Variants in COL14A1 observed in about 807,000 individuals in gnomAD.
The protein encoded by COL14A1 is collagen alpha-1(XIV) chain.
Under a neutral mutation model 230.3 loss-of-function variants are expected in COL14A1, and 136 were observed. The observed-to-expected ratio is 0.59, with a 90% CI of 0.51 to 0.68. The LOEUF (loss-of-function observed/expected upper bound fraction) is 0.68. Among genes scored for constraint, COL14A1 ranks in the 30% least tolerant of loss-of-function variants. COL14A1 has a pLI of 0.00. For missense variants in COL14A1, 1,976 were observed against 2,215.8 expected, an observed-to-expected ratio of 0.89 and a Z score of 2.17; for synonymous variants, 792 against 784.1, an observed-to-expected ratio of 1.01 and a Z score of -0.17.
intron 14 of COL14A1, among the ~76,000 whole-genome samples, chr8:120,224,516 T>G (rs1818034232): frequency 6.6e-6 from 1 of 152,244 alleles, no homozygotes; most frequent in Admixed American, 6.5e-5. Context: ...TTCTCTTTTC[T>G]AATCCTTAAT....
chr8:120,143,382 G>T (rs1373566501), intron 1 of COL14A1, among the ~76,000 whole-genome samples: 2 of 152,178 alleles, frequency 1.3e-5, no homozygotes, highest in African/African-American at 4.8e-5. Flanking sequence ...ACTTTGGGAG[G>T]CCGAGGTGGG....
chr8:120,371,027 T>C, intron 47 of COL14A1, 125 bp from the exon 48 acceptor site: 1 of 1,043,666 alleles, frequency 9.6e-7, no homozygotes, highest in Non-Finnish European at 1.4e-6. Context: ...GCGTGGTGGA[T>C]TAAGACATCC....
At chr8:120,261,752 C>T (rs565576755) in intron 23 of COL14A1, among the ~76,000 whole-genome samples, 17 of 152,182 alleles carry the variant, frequency 1.1e-4, no homozygotes, top group Non-Finnish European at 2.5e-4. Flanking sequence ...CTGAACTCTA[C>T]AGCATATATG....
In COL14A1 at chr8:120,165,692, T is replaced by G. The variant is rs78299237; in HGVS notation, c.350-2469T>G. Among the ~76,000 whole-genome samples, 539 of 152,350 alleles carry G rather than the reference T, an allele frequency of 3.5e-3. 3 individuals are homozygous for G. The highest frequency in any genetic ancestry group is 0.011 in the East Asian group (57 of 5,188). ...CATAATGTCTGTTATTTTTTCTTGT[T>G]TATTTATAGACTGCTTTTATAGCTC... On this transcript the variant is annotated intron_variant, in intron 4 of 47. Coordinates refer to ENST00000297848, the MANE Select transcript of COL14A1 (RefSeq NM_021110.4).
At chr8:120,257,307 A>G (rs531006640) in intron 23 of COL14A1, among the ~76,000 whole-genome samples, 6 of 152,372 alleles carry the variant, frequency 3.9e-5, no homozygotes, top group African/African-American at 1.4e-4. Flanking sequence ...TGTACTTCTC[A>G]TCAACATTTG....
chr8:120,180,185 T>C (rs897830463), intron 5 of COL14A1, among the ~76,000 whole-genome samples: 1 of 152,224 alleles, frequency 6.6e-6, no homozygotes, highest in Admixed American at 6.5e-5. Flanking sequence ...ACATGATTTC[T>C]CTCCACTGGG....
chr8:120,222,982 A>G (rs892795979), intron 14 of COL14A1, among the ~76,000 whole-genome samples: 7 of 152,188 alleles, frequency 4.6e-5, no homozygotes, highest in African/African-American at 1.7e-4. Context: ...TGAGGAGGTG[A>G]TAGTTAAGCA....
chr8:120,302,830 G>A (rs1820756920), intron 36 of COL14A1, among the ~76,000 whole-genome samples: 1 of 152,130 alleles, frequency 6.6e-6, no homozygotes, highest in African/African-American at 2.4e-5. Flanking sequence ...TTGCTTTGGG[G>A]AGGATGGCCA....
intron 5 of COL14A1, among the ~76,000 whole-genome samples, chr8:120,169,743 T>C (rs556929889): frequency 6.6e-6 from 1 of 152,024 alleles, no homozygotes; most frequent in African/African-American, 2.4e-5. Flanking sequence ...TTTTCTAATA[T>C]TTTAATATGA....
At chr8:120,297,815 C>T (rs1033426748) in intron 35 of COL14A1, among the ~76,000 whole-genome samples, 16 of 151,982 alleles carry the variant, frequency 1.1e-4, no homozygotes, top group African/African-American at 3.4e-4. Flanking sequence ...TACACATAGT[C>T]CAGATGTTCC....
intron 45 of COL14A1, among the ~76,000 whole-genome samples, chr8:120,363,263 C>A (rs1408919294): frequency 1.3e-5 from 2 of 152,164 alleles, no homozygotes; most frequent in Non-Finnish European, 2.9e-5. Context: ...GGAATGAGAT[C>A]ATGTACTTTG....
intron 40 of COL14A1, among the ~76,000 whole-genome samples, chr8:120,321,366 C>T (rs1821434481): frequency 6.6e-6 from 1 of 152,122 alleles, no homozygotes; most frequent in Non-Finnish European, 1.5e-5. Context: ...CTGGGCCAGG[C>T]ACGGTGGCTC....
At chr8:120,289,551 A>G in intron 33 of COL14A1, 57 bp from the exon 34 acceptor site, 2 of 1,437,696 alleles carry the variant, frequency 1.4e-6, no homozygotes, top group South Asian at 1.2e-5. Flanking sequence ...AATTATACAA[A>G]TTTGGTTGAT....
At position 120,280,658 on chromosome 8, in the gene COL14A1, A is replaced by G; in HGVS notation, c.3647-53A>G. ...CCTGTTCTCAGGACAGGGAAAGAGT[A>G]TGTTTGTGAAATATCCGAATTAGAG... is the stretch of plus-strand genomic sequence containing the variant. On this transcript the variant is annotated intron_variant, in intron 29 of 47. Coordinates refer to ENST00000297848, the MANE Select transcript of COL14A1 (RefSeq NM_021110.4). The G allele has an allele frequency of 2.6e-6, 4 of 1,533,384 alleles. No homozygotes were observed. In the South Asian group the frequency reaches 4.5e-5, roughly 17 times the overall value. 95.0% of individuals were successfully genotyped at this position (1,533,384 alleles called of 1,614,324 possible).
chr8:120,194,130 T>C (rs763487615), intron 5 of COL14A1, among the ~76,000 whole-genome samples: 36 of 152,206 alleles, frequency 2.4e-4, no homozygotes, highest in Admixed American at 1.0e-3. Context: ...AGAAATCACC[T>C]GTCTTCTGCG....
intron 33 of COL14A1, among the ~76,000 whole-genome samples, chr8:120,289,077 G>A (rs1000352040): frequency 3.9e-5 from 6 of 152,068 alleles, no homozygotes; most frequent in Non-Finnish European, 7.4e-5. Context: ...CATACACTAA[G>A]CTAAACAGCT....
rs192771344 is a variant in COL14A1 at position 120,209,814 on chromosome 8, A to G, written c.1380A>G (p.Arg460=). 6.2e-7 allele frequency: 1 copy of G among 1,613,916 alleles called. No homozygotes were observed. Among genetic ancestry groups the G allele is most frequent in the Admixed American group, 1.7e-5 (1 of 59,996 alleles). ...ACGACGTGACTGAGAACAGCATGCG[A>G]GTCAAATGGGATGCAGTGCCTGGGG... is the stretch of plus-strand genomic sequence containing the variant. ...LLYDVTENSM[R]VKWDAVPGAS... is the part of the protein sequence containing the mutation. Residue 460 remains arginine, a synonymous_variant, in exon 12 of 48, where the codon CGA becomes CGG. Transcript: ENST00000297848.
intron 5 of COL14A1, among the ~76,000 whole-genome samples, chr8:120,176,613 G>A (rs1227954386): frequency 6.6e-6 from 1 of 152,112 alleles, no homozygotes; most frequent in Non-Finnish European, 1.5e-5. Flanking sequence ...CATTAGGTAG[G>A]CGTCAGGAGG....
chr8:120,325,345 T>C (rs1038085758), intron 40 of COL14A1, among the ~76,000 whole-genome samples: 1 of 152,210 alleles, frequency 6.6e-6, no homozygotes, highest in Admixed American at 6.5e-5. Context: ...TTTAAAAAAA[T>C]CCCTGTCTGT....
Sources: allele counts gnomAD v4.1 joint callset (sites outside exome capture counted in the v4.1 genomes callset), GRCh38; gene constraint gnomAD v4.1.1; transcripts MANE v1.5; gene names NCBI Gene and HGNC (gene_info 2026-07-23, HGNC 2026-07-21).